MTHFD2L: variants seen among roughly 807,000 people sequenced by gnomAD.
MTHFD2L encodes the protein bifunctional methylenetetrahydrofolate dehydrogenase/cyclohydrolase 2, mitochondrial.
Under a neutral mutation model 34.9 loss-of-function variants are expected in MTHFD2L, and 29 were observed. The ratio of observed to expected loss-of-function variants is 0.83; its 90% CI spans 0.62 to 1.13. The LOEUF (loss-of-function observed/expected upper bound fraction) is 1.13. Ranked by LOEUF, MTHFD2L falls within the 50% of genes most tolerant of loss-of-function variation. The probability of loss-of-function intolerance (pLI) is 0.00; values close to 1 mark genes in which losing one functional copy is unlikely to be tolerated. For missense variants in MTHFD2L, 481 were observed against 446.5 expected, an observed-to-expected ratio of 1.08 and a Z score of -0.70; for synonymous variants, 167 against 155.7, an observed-to-expected ratio of 1.07 and a Z score of -0.54.
intron 1 of MTHFD2L, among the ~76,000 whole-genome samples, chr4:74,128,066 C>T (rs558364466): frequency 9.2e-5 from 14 of 152,152 alleles, no homozygotes; most frequent in African/African-American, 2.2e-4. Context: ...AATGTCTGTT[C>T]AGATCTGTTG....
upstream of MTHFD2L, among the ~76,000 whole-genome samples, chr4:74,119,509 C>T (rs368442213): frequency 7.2e-5 from 11 of 152,198 alleles, no homozygotes; most frequent in East Asian, 3.9e-4. Flanking sequence ...ACTGGCCGGG[C>T]GCGGTGGCTC....
chr4:74,118,344 A>G (rs1280511586), upstream of MTHFD2L, among the ~76,000 whole-genome samples: 2 of 152,196 alleles, frequency 1.3e-5, no homozygotes, highest in African/African-American at 2.4e-5. Flanking sequence ...AAAATAAAGT[A>G]CTTTTTAATT....
chr4:74,255,400 C>T (rs1743900710), intron 6 of MTHFD2L, among the ~76,000 whole-genome samples: 1 of 151,888 alleles, frequency 6.6e-6, no homozygotes, highest in Non-Finnish European at 1.5e-5. Context: ...CATAATACTA[C>T]AAATATCATT....
intron 6 of MTHFD2L, among the ~76,000 whole-genome samples, chr4:74,270,157 AT>A (rs1038290366): frequency 3.2e-4 from 49 of 151,744 alleles, no homozygotes; most frequent in African/African-American, 9.7e-4. Flanking sequence ...AATTCATTTT[AT>A]TTTTTTCTTT....
chr4:74,273,322 A>G (rs552681325), intron 6 of MTHFD2L, among the ~76,000 whole-genome samples: 8 of 152,296 alleles, frequency 5.3e-5, no homozygotes, highest in Admixed American at 3.9e-4. Flanking sequence ...AGTCAGAAGG[A>G]GATGGAGAAA....
intron 3 of MTHFD2L, 33 bp from the exon 4 acceptor site, chr4:74,199,761 T>C: frequency 6.4e-7 from 1 of 1,561,580 alleles, no homozygotes. Context: ...AAATAACAAT[T>C]TTAAAATTAG....
At chr4:74,296,086 G>A (rs1473095360) in intron 7 of MTHFD2L, among the ~76,000 whole-genome samples, 1 of 152,124 alleles carries the variant, frequency 6.6e-6, no homozygotes, top group Admixed American at 6.6e-5. Context: ...TCTTGCTCAA[G>A]GAATAATTGT....
chr4:74,129,323 A>T (rs1174041023), intron 1 of MTHFD2L, among the ~76,000 whole-genome samples: 1 of 152,124 alleles, frequency 6.6e-6, no homozygotes, highest in Admixed American at 6.6e-5. Flanking sequence ...CCTTATTCTA[A>T]AATTGACCAC....
Position 74,201,183 on chromosome 4 carries a change from A to T in MTHFD2L, c.605-80A>T, listed in dbSNP as rs1578445320. 9 of 968,332 alleles carry T rather than the reference A, an allele frequency of 9.3e-6. 1 individual carries two copies. In the South Asian group the frequency reaches 1.3e-4, roughly 14 times the overall value. 60.0% of individuals were successfully genotyped at this position (968,332 alleles called of 1,614,324 possible). A position where few individuals can be genotyped will look rare whatever the true frequency, so the allele number is the denominator to read the frequency against. ...AGATTTAATTAGAAATTTTTAAAAG[A>T]ATGTTTCAGTTGGCTGTACAAATGT... On this transcript the variant is annotated intron_variant, in intron 4 of 7. Coordinates refer to ENST00000325278, the MANE Select transcript of MTHFD2L (RefSeq NM_001144978.3).
Position 74,198,521 on chromosome 4 carries a change from TA to T in MTHFD2L, c.452-1267del, listed in dbSNP as rs562965289. On this transcript the variant is annotated intron_variant, in intron 3 of 7. Coordinates refer to ENST00000325278, the MANE Select transcript of MTHFD2L (RefSeq NM_001144978.3). Reference sequence around the variant, plus strand: ...ATCTATAAAGCTTTTCATTTCATTGTAAAAAATATCCATGTCATGAAGCTTC... The same window carrying T: ...ATCTATAAAGCTTTTCATTTCATTGTAAAAATATCCATGTCATGAAGCTTC... Among the ~76,000 whole-genome samples, 50 of 152,286 alleles carry T rather than the reference TA, an allele frequency of 3.3e-4. No individual in the cohort carries two copies. The South Asian group carries it at 0.01, about 31-fold the overall frequency.
rs983745595 is a variant in MTHFD2L at position 74,302,750 on chromosome 4, A to T, written c.*941A>T. ...CTAATAGGAAAACATGATACTTTCA[A>T]TGTGCCAAAACTAAACCTTAGTATA... On this transcript the variant is annotated 3_prime_UTR_variant, in exon 8 of 8. Coordinates refer to ENST00000325278, the MANE Select transcript of MTHFD2L (RefSeq NM_001144978.3). 5 of 152,154 alleles carry T rather than the reference A, an allele frequency of 3.3e-5. No homozygotes were observed. Among genetic ancestry groups the T allele is most frequent in the Non-Finnish European group, 5.9e-5 (4 of 68,002 alleles). 9.4% of individuals were successfully genotyped at this position (152,154 alleles called of 1,614,324 possible). A position where few individuals can be genotyped will look rare whatever the true frequency, so the allele number is the denominator to read the frequency against.
At chr4:74,186,701 T>A (rs574602445) in intron 3 of MTHFD2L, among the ~76,000 whole-genome samples, 31 of 152,208 alleles carry the variant, frequency 2.0e-4, no homozygotes, top group African/African-American at 7.0e-4. Context: ...ATAAATGGAT[T>A]AATAAACCAT....
At chr4:74,149,893 G>T (rs1440491372) in intron 1 of MTHFD2L, among the ~76,000 whole-genome samples, 1 of 152,246 alleles carries the variant, frequency 6.6e-6, no homozygotes, top group Admixed American at 6.5e-5. Flanking sequence ...ATGTGATTAT[G>T]GTTTGTAACT....
intron 1 of MTHFD2L, among the ~76,000 whole-genome samples, chr4:74,137,986 A>T (rs1723048348): frequency 6.6e-6 from 1 of 152,086 alleles, no homozygotes; most frequent in South Asian, 2.1e-4. Flanking sequence ...AGAGGGGGGA[A>T]AAATAATATA....
chr4:74,294,449 C>A (rs1308695993), intron 7 of MTHFD2L, among the ~76,000 whole-genome samples: 1 of 152,068 alleles, frequency 6.6e-6, no homozygotes, highest in Non-Finnish European at 1.5e-5. Context: ...CAGAACACAC[C>A]AGCTGGAGAC....
chr4:74,208,013 A>G (rs577796959), intron 5 of MTHFD2L, among the ~76,000 whole-genome samples: 9 of 152,060 alleles, frequency 5.9e-5, no homozygotes, highest in African/African-American at 2.2e-4. Context: ...TCTTATTGGC[A>G]GTGGAGTGGC....
intron 6 of MTHFD2L, chr4:74,268,264 G>A (rs1745554162): frequency 1.0e-6 from 1 of 983,532 alleles, no homozygotes; most frequent in Non-Finnish European, 1.2e-6. Flanking sequence ...TAATGCTGAA[G>A]AAAGTTTTTC....
intron 5 of MTHFD2L, among the ~76,000 whole-genome samples, chr4:74,213,133 G>T (rs1578488467): frequency 1.3e-5 from 2 of 152,000 alleles, no homozygotes; most frequent in South Asian, 4.2e-4. Context: ...ACACTGATGG[G>T]TCTTGACTCT....
At chr4:74,121,551 C>T (rs1200590068), upstream of MTHFD2L, among the ~76,000 whole-genome samples, 1 of 147,886 alleles carries the variant, frequency 6.8e-6, no homozygotes, top group Non-Finnish European at 1.5e-5. Flanking sequence ...GCTTAGGGCT[C>T]TCACTGATTC....
Sources: gnomAD v4.1 joint callset for allele counts (sites outside exome capture counted in the v4.1 genomes callset) on GRCh38, gnomAD v4.1.1 for gene constraint, MANE v1.5 for transcripts, NCBI Gene and HGNC (gene_info 2026-07-23, HGNC 2026-07-21) for gene names.